AKR1C2: variants seen among roughly 807,000 people sequenced by gnomAD.
AKR1C2 encodes the protein aldo-keto reductase family 1 member C2, also known as 3-alpha-HSD3.
In AKR1C2, 27 loss-of-function variants were observed where a neutral mutation model predicts 39.8. The observed-to-expected ratio is 0.68, with a 90% CI of 0.50 to 0.93. The LOEUF is 0.93. Among genes scored for constraint, AKR1C2 ranks in the 40% least tolerant of loss-of-function variants. The pLI is 0.00. For synonymous variants in AKR1C2, 114 were observed against 137.9 expected (o/e 0.83, Z 1.22); for missense variants, 263 against 365.1 (o/e 0.72, Z 2.28).
intron 5 of AKR1C2, among the ~76,000 whole-genome samples, chr10:4,996,462 C>T (rs1280748455): frequency 6.8e-6 from 1 of 148,036 alleles, no homozygotes; most frequent in African/African-American, 2.5e-5. Context: ...CAGTGGGTTC[C>T]CTATGAAACA....
At position 5,000,594 on chromosome 10, in the gene AKR1C2, C is replaced by G; in HGVS notation, c.325G>C (p.Asp109His). 2.5e-6 allele frequency: 4 copies of G among 1,614,004 alleles called. No individual in the cohort carries two copies. The highest frequency in any genetic ancestry group is 1.3e-5 in the African/African-American group (1 of 75,034). ...LERSLKNLQLDYVDLYLIHFP... is the reference protein window; with the variant it reads ...LERSLKNLQLHYVDLYLIHFP... ...TGAATAAGATAGAGGTCAACATAGT[C>G]CAATTGAAGATTTTTCAGTGACCTT... The change falls in exon 3 of 9, where the codon GAC becomes CAC. Residue 109 changes from aspartate (D) to histidine (H), a missense_variant. Coordinates refer to ENST00000380753, the MANE Select transcript of AKR1C2 (RefSeq NM_001393392.1).
chr10:4,994,066 T>A (rs1181844592), intron 7 of AKR1C2, among the ~76,000 whole-genome samples: 1 of 151,712 alleles, frequency 6.6e-6, no homozygotes, highest in Admixed American at 6.6e-5. Context: ...TCACTTATTT[T>A]ACTTAATGTT....
chr10:4,996,968 G>T (rs1274613794), intron 5 of AKR1C2, among the ~76,000 whole-genome samples: 1 of 152,024 alleles, frequency 6.6e-6, no homozygotes, highest in Non-Finnish European at 1.5e-5. Flanking sequence ...GTGAAAATTT[G>T]TCATGGGAAT....
chr10:5,016,676 C>T (rs1837646052), intron 1 of AKR1C2, among the ~76,000 whole-genome samples: 1 of 152,128 alleles, frequency 6.6e-6, no homozygotes, highest in Non-Finnish European at 1.5e-5. Flanking sequence ...AGGATGGTGG[C>T]CCTCTTCTCA....
chr10:5,008,476 C>T (rs1837452996), upstream of AKR1C2, among the ~76,000 whole-genome samples: 1 of 152,010 alleles, frequency 6.6e-6, no homozygotes, highest in Non-Finnish European at 1.5e-5. Context: ...GTACCTTGTA[C>T]ATGGGGGCTT....
At chr10:5,003,038 T>G (rs149829796) in intron 1 of AKR1C2, among the ~76,000 whole-genome samples, 201 of 152,312 alleles carry the variant, frequency 1.3e-3, no homozygotes, top group African/African-American at 4.6e-3. Flanking sequence ...CAAGTTTTCT[T>G]CCAGTGTAGA....
At chr10:5,004,644 A>C (rs1837361454), upstream of AKR1C2, 1 of 152,170 alleles carries the variant, frequency 6.6e-6, no homozygotes, top group Non-Finnish European at 1.5e-5. Context: ...GATATACTTT[A>C]TAATATTGCT....
intron 1 of AKR1C2, among the ~76,000 whole-genome samples, chr10:5,011,175 C>T (rs1554774898): frequency 6.6e-6 from 1 of 152,060 alleles, no homozygotes; most frequent in African/African-American, 2.4e-5. Context: ...ACAAGAAAAC[C>T]CAAATAACCT....
intron 1 of AKR1C2, among the ~76,000 whole-genome samples, chr10:5,012,509 G>A (rs79728362): frequency 0.2 from 29,390 of 143,562 alleles, 3,650 homozygotes; most frequent in African/African-American, 0.27. Context: ...GACCCATAGG[G>A]AAGAGATCCT....
chr10:5,000,282 A>C (rs2131699119), intron 3 of AKR1C2: 1 of 1,473,666 alleles, frequency 6.8e-7, no homozygotes, highest in East Asian at 2.5e-5. Flanking sequence ...TTGTGCCTTC[A>C]AGGAGATGAT....
chr10:4,998,702 C>A lies in AKR1C2; in HGVS notation c.493G>T (p.Val165Leu). Residue 165 changes from valine to leucine, a missense_variant, in exon 5 of 9, where the codon GTG (valine) becomes TTG (leucine). Val to Leu is a conservative substitution (Grantham distance 32). This residue lies in a region of AKR1C2 where 247 missense variants were observed against 267.9 expected (regional missense o/e 0.92). Transcript: ENST00000380753. The part of the protein sequence containing the change: ...KDAGLAKSIG[V>L]SNFNHRLLEM... ...AGCAGCCTGTGGTTGAAGTTGGACA[C>A]CCCGATGGACTTGGCCAATCCTGCA... is the stretch of plus-strand genomic sequence containing the variant. The A allele has an allele frequency of 6.2e-7, 1 of 1,614,152 alleles. No individual in the cohort carries two copies. Among genetic ancestry groups the A allele is most frequent in the Non-Finnish European group, 8.5e-7 (1 of 1,180,036 alleles).
At chr10:5,011,670 A>G (rs1204759191) in intron 1 of AKR1C2, among the ~76,000 whole-genome samples, 3 of 152,220 alleles carry the variant, frequency 2.0e-5, no homozygotes, top group Non-Finnish European at 2.9e-5. Flanking sequence ...AAATTTAGAG[A>G]GAATGAGTGT....
At chr10:4,990,457 A>G (rs560167509) in intron 8 of AKR1C2, among the ~76,000 whole-genome samples, 5 of 152,350 alleles carry the variant, frequency 3.3e-5, no homozygotes, top group Admixed American at 1.3e-4. Flanking sequence ...TTTGAGTGTG[A>G]TAATTATACT....
chr10:4,990,061 A>G, intron 8 of AKR1C2, 23 bp from the exon 9 acceptor site: 1 of 1,608,968 alleles, frequency 6.2e-7, no homozygotes, highest in Non-Finnish European at 8.5e-7. Context: ...AAAAAAATGC[A>G]CACTCTGAAT....
chr10:4,992,914 C>T (rs9731549), intron 7 of AKR1C2, among the ~76,000 whole-genome samples: 12,079 of 152,094 alleles, frequency 0.079, 512 homozygotes, highest in Middle Eastern at 0.13. Context: ...CGTGCCACTG[C>T]ACTCCACCCT....
intron 7 of AKR1C2, among the ~76,000 whole-genome samples, chr10:4,993,533 T>C (rs1173657643): frequency 6.6e-6 from 1 of 152,158 alleles, no homozygotes; most frequent in Admixed American, 6.5e-5. Flanking sequence ...TTAACAATTT[T>C]GTAAGATAAC....
chr10:5,012,538 C>G (rs1380541615), intron 1 of AKR1C2, among the ~76,000 whole-genome samples: 2 of 150,704 alleles, frequency 1.3e-5, no homozygotes, highest in Non-Finnish European at 2.9e-5. Flanking sequence ...ATGCAGTTGG[C>G]TTTCAAGATA....
Position 4,995,873 on chromosome 10 carries a change from C to T in AKR1C2, c.571-8G>A, listed in dbSNP as rs782006592. ...GTAAGGATGACATTCCACCTGCAGACGAGCAAGATGGAAAAGCATCAGATA... is the reference window on the plus strand; with the variant it reads ...GTAAGGATGACATTCCACCTGCAGATGAGCAAGATGGAAAAGCATCAGATA... On this transcript the variant is annotated splice_region_variant and splice_polypyrimidine_tract_variant and intron_variant, in intron 5 of 8. Transcript: ENST00000380753. The T allele has an allele frequency of 3.3e-5, 53 of 1,609,204 alleles. 1 individual carries two copies. The highest frequency in any genetic ancestry group is 1.2e-4 in the Admixed American group (7 of 59,356).
chr10:5,007,851 T>C (rs1837437142), upstream of AKR1C2, among the ~76,000 whole-genome samples: 1 of 151,812 alleles, frequency 6.6e-6, no homozygotes, highest in Non-Finnish European at 1.5e-5. Context: ...CAATCTCATT[T>C]CAAAAGGGAA....
Sources: gnomAD v4.1 joint callset for allele counts (sites outside exome capture counted in the v4.1 genomes callset) on GRCh38, gnomAD v4.1.1 for gene constraint, gnomAD v4.1.1 regional missense constraint, MANE v1.5 for transcripts, NCBI Gene and HGNC (gene_info 2026-07-23, HGNC 2026-07-21) for gene names.